The following TFRC variants were observed in gnomAD, a reference collection of about 807,000 sequenced individuals.
TFRC encodes the protein transferrin receptor protein 1.
In TFRC, 35 loss-of-function variants were observed where a neutral mutation model predicts 85.8. The observed-to-expected ratio is 0.41, with a 90% CI of 0.31 to 0.54. The LOEUF is 0.54. Among genes scored for constraint, TFRC ranks in the 20% least tolerant of loss-of-function variants. The pLI, the probability that TFRC is intolerant of heterozygous loss-of-function variation, is 0.31. For missense variants in TFRC, 828 were observed against 921.5 expected, an observed-to-expected ratio of 0.90 and a Z score of 1.31; for synonymous variants, 362 against 328.6, an observed-to-expected ratio of 1.10 and a Z score of -1.10.
At chr3:196,067,095 G>T (rs574335273) in intron 9 of TFRC, among the ~76,000 whole-genome samples, 1 of 152,310 alleles carries the variant, frequency 6.6e-6, no homozygotes, top group Non-Finnish European at 1.5e-5. Context: ...TATAGACAAG[G>T]TAACTGGAAT....
chr3:196,052,594 C>G (rs1015702274), intron 18 of TFRC, among the ~76,000 whole-genome samples: 1 of 152,028 alleles, frequency 6.6e-6, no homozygotes, highest in African/African-American at 2.4e-5. Flanking sequence ...GCATGCACCA[C>G]CACGCCCAGC....
intron 16 of TFRC, among the ~76,000 whole-genome samples, chr3:196,056,574 G>C (rs1281564956): frequency 3.3e-5 from 5 of 151,590 alleles, no homozygotes; most frequent in African/African-American, 4.8e-5. Flanking sequence ...TAATTTTTTT[G>C]TATTTTTAGT....
chr3:196,081,116 C>T (rs1024118711), intron 1 of TFRC, among the ~76,000 whole-genome samples: 1 of 152,208 alleles, frequency 6.6e-6, no homozygotes, highest in African/African-American at 2.4e-5. Context: ...AACTGTCCAG[C>T]AGAATGTGAC....
Position 196,051,780 on chromosome 3 carries a change from C to T in TFRC, c.*162G>A. On this transcript the variant is annotated 3_prime_UTR_variant, in exon 19 of 19. Coordinates refer to ENST00000360110, the MANE Select transcript of TFRC (RefSeq NM_001128148.3). ...TTAACTTGAAGTACAGGTTATCTAC[C>T]CTGTATTAAAAGCTGCTGCCTAAAG... 1 of 732,626 alleles carries T rather than the reference C, an allele frequency of 1.4e-6. No homozygotes were observed. The highest frequency in any genetic ancestry group is 2.2e-6 in the Non-Finnish European group (1 of 454,932). The allele number at this position is 732,626 out of a possible 1,614,324, so 45.4% of individuals were successfully genotyped here.
chr3:196,058,732 C>T (rs1369336486), intron 14 of TFRC, 100 bp from the exon 15 acceptor site: 1 of 716,398 alleles, frequency 1.4e-6, no homozygotes, highest in Non-Finnish European at 2.2e-6. Context: ...AAATAAAAAA[C>T]TTGTATTATA....
intron 17 of TFRC, among the ~76,000 whole-genome samples, chr3:196,053,978 T>C (rs1716560135): frequency 6.6e-6 from 1 of 152,240 alleles, no homozygotes; most frequent in South Asian, 2.1e-4. Flanking sequence ...GGCTCATGCC[T>C]GTGATCCCAG....
chr3:196,053,701 G>C, intron 17 of TFRC, 143 bp from the exon 18 acceptor site: 1 of 930,016 alleles, frequency 1.1e-6, no homozygotes, highest in East Asian at 2.5e-5. Context: ...ACCTTGCACA[G>C]GGGTTCCAAG....
At chr3:196,053,814 T>C (rs750192923) in intron 17 of TFRC, among the ~76,000 whole-genome samples, 2 of 152,252 alleles carry the variant, frequency 1.3e-5, no homozygotes, top group African/African-American at 2.4e-5. Context: ...TACTATATTG[T>C]TTCCAGTTCA....
chr3:196,062,286 T>TA (rs1313739742), intron 13 of TFRC: 1 of 349,480 alleles, frequency 2.9e-6, no homozygotes, highest in African/African-American at 2.2e-5. Context: ...CCCACATCTG[T>TA]AATCCCAGGC....
intron 6 of TFRC, among the ~76,000 whole-genome samples, chr3:196,070,674 A>G (rs1718113851): frequency 6.6e-6 from 1 of 151,712 alleles, no homozygotes; most frequent in South Asian, 2.1e-4. Context: ...TTCCTCCTGT[A>G]ATCCCAGCAC....
At chr3:196,058,257 A>G (rs773112273) in intron 16 of TFRC, 27 bp downstream of exon 16, 13 of 1,589,742 alleles carry the variant, frequency 8.2e-6, no homozygotes, top group Non-Finnish European at 8.6e-6. Context: ...GCCTCTCTCC[A>G]TTTGTCATTT....
rs559410710 is a variant in TFRC, at chr3:196,074,712, C to T, written c.238+447G>A. On this transcript the variant is annotated intron_variant, in intron 3 of 18. Transcript: ENST00000360110. ...TGACCAACATGGTGAAACCCCGTCT[C>T]TACTAAAAATACAAAAATTAGCCAG... is the stretch of plus-strand genomic sequence containing the variant. 7.9e-5 allele frequency among the ~76,000 whole-genome samples: 12 copies of T among 152,046 alleles called. No homozygotes were observed. In the South Asian group the frequency reaches 2.5e-3, roughly 32 times the overall value.
At chr3:196,063,284 AG>A (rs1255353946) in intron 11 of TFRC, 1 of 170,162 alleles carries the variant, frequency 5.9e-6, no homozygotes, top group Non-Finnish European at 1.2e-5. Flanking sequence ...CATTGAAAAC[AG>A]TGTAAGCATG....
In TFRC at chr3:196,062,954, A is replaced by C. The variant is rs775378252; in HGVS notation, c.1319-15T>G. The C allele has an allele frequency of 7.4e-6, 12 of 1,612,304 alleles. 1 individual carries two copies. Among genetic ancestry groups the C allele is most frequent in the Non-Finnish European group, 1.0e-5 (12 of 1,178,704 alleles). Reference sequence around the variant, plus strand: ...CTGAAACCCATCTGAAAGAGAAAAAAGTTAGCTTTACCTGAGGAAAGGTTA... The same window carrying C: ...CTGAAACCCATCTGAAAGAGAAAAACGTTAGCTTTACCTGAGGAAAGGTTA... On this transcript the variant is annotated splice_polypyrimidine_tract_variant and intron_variant, in intron 11 of 18. Coordinates refer to ENST00000360110, the MANE Select transcript of TFRC (RefSeq NM_001128148.3).
At chr3:196,058,699 C>T (rs1336042578) in intron 14 of TFRC, 67 bp from the exon 15 acceptor site, 1 of 1,083,202 alleles carries the variant, frequency 9.2e-7, no homozygotes, top group Non-Finnish European at 1.4e-6. Flanking sequence ...TAGTCACTAA[C>T]ATGTTACTCT....
rs1717670656 is a variant in TFRC at position 196,065,616 on chromosome 3, AG to A, written c.1041-17del. On this transcript the variant is annotated splice_polypyrimidine_tract_variant and intron_variant, in intron 9 of 18. Transcript: ENST00000360110. ...TTCCATATTCCTAGAATCAGAAAGC[AG>A]GCGTAAGTTCTGAGTTATTGTTCCT... 3.1e-6 allele frequency: 5 copies of A among 1,590,224 alleles called. No individual in the cohort carries two copies. The highest frequency in any genetic ancestry group is 4.3e-6 in the Non-Finnish European group (5 of 1,173,558).
At chr3:196,071,524 AG>A in intron 5 of TFRC, 26 bp from the exon 6 acceptor site, 4 of 1,606,160 alleles carry the variant, frequency 2.5e-6, no homozygotes, top group Non-Finnish European at 8.5e-7. Flanking sequence ...AGTTAAAATA[AG>A]CCTAAGGTCA....
chr3:196,072,000 T>C lies in TFRC; in HGVS notation c.584+3A>G, dbSNP rs753031386. On this transcript the variant is annotated splice_donor_region_variant and intron_variant, in intron 5 of 18. Transcript: ENST00000360110. ...AAAATAAGTTTACCATCTTTCAACA[T>C]ACCTGTCTTTGACCTGAATCTTAAC... 6.2e-6 allele frequency: 10 copies of C among 1,610,984 alleles called. 1 individual carries two copies. In the South Asian group the frequency reaches 1.1e-4, roughly 18 times the overall value.
At chr3:196,055,597 G>GC (rs1209756796) in intron 16 of TFRC, 1 of 421,352 alleles carries the variant, frequency 2.4e-6, no homozygotes, top group East Asian at 4.4e-5. Flanking sequence ...AAGGCTGTAT[G>GC]TTTTTCTCTC....
Sources: gnomAD v4.1 joint callset for allele counts (sites outside exome capture counted in the v4.1 genomes callset) on GRCh38, gnomAD v4.1.1 for gene constraint, MANE v1.5 for transcripts, NCBI Gene and HGNC (gene_info 2026-07-23, HGNC 2026-07-21) for gene names.